The following NOTCH2 variants were observed in gnomAD, a reference collection of about 807,000 sequenced individuals.
NOTCH2 encodes the protein notch receptor 2.
In NOTCH2, 29 loss-of-function variants were observed where a neutral mutation model predicts 235.8. That is an observed-to-expected ratio of 0.12 (90% CI 0.09 to 0.17). The LOEUF is 0.17. NOTCH2 is among the 10% of genes least tolerant of loss of function. The probability of loss-of-function intolerance (pLI) is 1.00; values close to 1 mark genes in which losing one functional copy is unlikely to be tolerated. For missense variants in NOTCH2, 2,285 were observed against 3,150.2 expected, an observed-to-expected ratio of 0.73 and a Z score of 6.57; for synonymous variants, 1,086 against 1,141.5, an observed-to-expected ratio of 0.95 and a Z score of 0.98.
At chr1:120,061,452 TACA>T (rs1655318451) in intron 1 of NOTCH2, among the ~76,000 whole-genome samples, 1 of 140,412 alleles carries the variant, frequency 7.1e-6, no homozygotes, top group African/African-American at 2.7e-5. Context: ...CAGCTTCTTG[TACA>T]ACACCTTATT....
chr1:119,945,195 T>TA (rs1650209773), intron 17 of NOTCH2, among the ~76,000 whole-genome samples: 1 of 152,048 alleles, frequency 6.6e-6, no homozygotes, highest in Non-Finnish European at 1.5e-5. Context: ...CAATAACTAC[T>TA]AAAAAATATG....
intron 3 of NOTCH2, among the ~76,000 whole-genome samples, chr1:120,003,140 T>C (rs1197468978): frequency 6.6e-6 from 1 of 152,140 alleles, no homozygotes; most frequent in Non-Finnish European, 1.5e-5. Flanking sequence ...TGTCAGTAAA[T>C]ATAAAGCAGG....
intron 1 of NOTCH2, among the ~76,000 whole-genome samples, chr1:120,061,381 AAAC>A (rs1396671125): frequency 7.0e-6 from 1 of 142,140 alleles, no homozygotes; most frequent in Non-Finnish European, 1.5e-5. Flanking sequence ...AAAAAGAAGC[AAAC>A]AACAATTTTA....
Position 119,925,626 on chromosome 1 carries a change from T to C in NOTCH2, c.4190A>G (p.Tyr1397Cys). ...TGGTGGGGCACACTGGCAGGAGTAA[T>C]AAGGAGGCTGGCGCTGAGGGTGGCA... ...GSCHPQRQPP[Y>C]YSCQCAPPFS... is the part of the protein sequence containing the mutation. The change falls in exon 25 of 34, where the codon TAT becomes TGT. Residue 1397 changes from tyrosine to cysteine, a missense_variant. Physicochemically the swap from Tyr to Cys is radical, Grantham distance 194. This residue lies in a region of NOTCH2 where 1,173 missense variants were observed against 1,515.3 expected (regional missense o/e 0.77). Coordinates refer to ENST00000256646, the MANE Select transcript of NOTCH2 (RefSeq NM_024408.4). 1 of 1,613,180 alleles carries C rather than the reference T, an allele frequency of 6.2e-7. No individual in the cohort carries two copies. Among genetic ancestry groups the C allele is most frequent in the Non-Finnish European group, 8.5e-7 (1 of 1,179,652 alleles).
At chr1:120,063,855 A>C (rs1655404602) in intron 1 of NOTCH2, among the ~76,000 whole-genome samples, 1 of 152,224 alleles carries the variant, frequency 6.6e-6, no homozygotes, top group Non-Finnish European at 1.5e-5. Flanking sequence ...TATTCTTATC[A>C]TAAGAGAGGT....
intron 2 of NOTCH2, among the ~76,000 whole-genome samples, chr1:120,015,947 C>A (rs1418703088): frequency 7.9e-6 from 1 of 126,798 alleles, no homozygotes; most frequent in South Asian, 2.8e-4. Flanking sequence ...TCAACCCCCC[C>A]TTCTCTCAAA....
At chr1:119,917,061 G>A (rs1028971147) in intron 33 of NOTCH2, among the ~76,000 whole-genome samples, 2 of 152,076 alleles carry the variant, frequency 1.3e-5, no homozygotes, top group African/African-American at 4.8e-5. Flanking sequence ...AGAAAGGTAG[G>A]AATAGGAGTT....
At chr1:119,918,667 G>T in intron 31 of NOTCH2, 114 bp from the exon 32 acceptor site, 1 of 1,029,638 alleles carries the variant, frequency 9.7e-7, no homozygotes, top group Non-Finnish European at 1.5e-6. Context: ...TCCTGGAGGA[G>T]AGGGAAAGTC....
intron 13 of NOTCH2, 76 bp from the exon 14 acceptor site, chr1:119,953,764 G>A (rs2101122688): frequency 7.8e-7 from 1 of 1,279,366 alleles, no homozygotes; most frequent in Non-Finnish European, 1.1e-6. Context: ...ACAGGACTTG[G>A]TGAAGAAATG....
intron 5 of NOTCH2, among the ~76,000 whole-genome samples, chr1:119,984,394 C>T (rs1391524223): frequency 9.2e-5 from 14 of 152,124 alleles, no homozygotes; most frequent in Non-Finnish European, 1.6e-4. Context: ...CTTTTGAATA[C>T]GCATCATCAT....
chr1:119,943,525 C>T (rs1385338880), intron 17 of NOTCH2, among the ~76,000 whole-genome samples: 2 of 152,134 alleles, frequency 1.3e-5, no homozygotes, highest in African/African-American at 4.8e-5. Flanking sequence ...AACCAATTAA[C>T]AAACCTTGAA....
intron 17 of NOTCH2, among the ~76,000 whole-genome samples, chr1:119,942,274 T>C (rs587761578): frequency 6.6e-6 from 1 of 152,306 alleles, no homozygotes; most frequent in South Asian, 2.1e-4. Context: ...TCACATAGCT[T>C]GATCTTGGAA....
intron 25 of NOTCH2, among the ~76,000 whole-genome samples, chr1:119,924,707 T>C (rs1183179169): frequency 6.6e-6 from 1 of 152,236 alleles, no homozygotes; most frequent in Non-Finnish European, 1.5e-5. Flanking sequence ...CAACTTGCTT[T>C]GGCAAGTTCT....
At chr1:119,968,454 C>T (rs587754413) in intron 6 of NOTCH2, among the ~76,000 whole-genome samples, 28 of 152,280 alleles carry the variant, frequency 1.8e-4, no homozygotes, top group Non-Finnish European at 3.2e-4. Flanking sequence ...GAGCTCTCAG[C>T]TAGACCTCTC....
chr1:120,000,826 C>T (rs1553205197), intron 3 of NOTCH2, among the ~76,000 whole-genome samples: 1 of 152,164 alleles, frequency 6.6e-6, no homozygotes, highest in Non-Finnish European at 1.5e-5. Flanking sequence ...CCATCATCGT[C>T]ATGATGGAGA....
At chr1:119,996,712 T>TC in intron 4 of NOTCH2, 1 of 1,211,518 alleles carries the variant, frequency 8.3e-7, no homozygotes, top group Non-Finnish European at 1.2e-6. Context: ...CCTGTCCCTT[T>TC]CCCAGAGCTC....
At chr1:120,035,240 A>G (rs1191456479) in intron 1 of NOTCH2, among the ~76,000 whole-genome samples, 2 of 151,028 alleles carry the variant, frequency 1.3e-5, no homozygotes, top group African/African-American at 4.9e-5. Context: ...TCTAACCTAC[A>G]AGGGCTGTCA....
chr1:119,938,216 T>C (rs1008816909), intron 19 of NOTCH2, among the ~76,000 whole-genome samples: 2 of 152,216 alleles, frequency 1.3e-5, no homozygotes, highest in Non-Finnish European at 2.9e-5. Flanking sequence ...CTTCACTTAA[T>C]GTCATCATTA....
At chr1:119,969,383 C>T in intron 6 of NOTCH2, 128 bp downstream of exon 6, 2 of 813,556 alleles carry the variant, frequency 2.5e-6, no homozygotes, top group South Asian at 1.5e-5. Flanking sequence ...ATTTCTGGAA[C>T]AGTCCTGAGT....
Sources: allele counts gnomAD v4.1 joint callset (sites outside exome capture counted in the v4.1 genomes callset), GRCh38; gene constraint gnomAD v4.1.1; regional missense constraint gnomAD v4.1.1; transcripts MANE v1.5; gene names NCBI Gene and HGNC (gene_info 2026-07-23, HGNC 2026-07-21).